The following KIF25 variants were observed in gnomAD, a reference collection of about 807,000 sequenced individuals.
KIF25 encodes kinesin-like protein KIF25.
In KIF25, 19 loss-of-function variants were observed where a neutral mutation model predicts 32.9. The ratio of observed to expected loss-of-function variants is 0.58; its 90% CI spans 0.40 to 0.85. KIF25 has a LOEUF of 0.85. KIF25 is among the 40% of genes least tolerant of loss of function. The pLI, the probability that KIF25 is intolerant of heterozygous loss-of-function variation, is 0.00. For missense variants in KIF25, 485 were observed against 507.0 expected (o/e 0.96, Z 0.42); for synonymous variants, 225 against 213.7 (o/e 1.05, Z -0.46).
chr6:168,034,096 G>T, intron 8 of KIF25, 65 bp downstream of exon 8: 3 of 1,563,580 alleles, frequency 1.9e-6, no homozygotes, highest in Non-Finnish European at 2.6e-6. Context: ...TCAGCACCTT[G>T]GTTATCACGT....
rs1027578592 is a variant in KIF25, at chr6:167,998,070, C to T, written c.-1399C>T. On this transcript the variant is annotated 5_prime_UTR_variant, in exon 1 of 13. Transcript: ENST00000643607. ...TTGGTGTATTTTCTTATTTAATCTT[C>T]ACAATAGCACCACCTCTCTGGGTTG... 6.6e-6 allele frequency: 1 copy of T among 152,084 alleles called. No individual in the cohort carries two copies. The highest frequency in any genetic ancestry group is 1.5e-5 in the Non-Finnish European group (1 of 68,028). The allele number at this position is 152,084 out of a possible 1,614,324, so 9.4% of individuals were successfully genotyped here. A position where few individuals can be genotyped will look rare whatever the true frequency, so the allele number is the denominator to read the frequency against.
intron 12 of KIF25, among the ~76,000 whole-genome samples, chr6:168,043,396 G>A (rs1360305558): frequency 6.6e-6 from 1 of 152,194 alleles, no homozygotes; most frequent in Admixed American, 6.5e-5. Context: ...GGGGCACATG[G>A]CCACCACAGT....
chr6:168,022,886 G>A lies in KIF25; in HGVS notation c.-95+4846G>A, dbSNP rs542771645. Among the ~76,000 whole-genome samples the A allele has an allele frequency of 6.2e-4, 94 of 151,720 alleles. 3 individuals are homozygous for A. The South Asian group carries it at 0.019, about 31-fold the overall frequency. ...AGTTCTGAATCAGTTTTCAGGTAACGTTTGTGGTTTGTGATTTCTCTGCCC... is the reference window on the plus strand; with the variant it reads ...AGTTCTGAATCAGTTTTCAGGTAACATTTGTGGTTTGTGATTTCTCTGCCC... On this transcript the variant is annotated intron_variant, in intron 5 of 12. Coordinates refer to ENST00000643607, the MANE Select transcript of KIF25 (RefSeq NM_030615.4).
At chr6:168,010,960 A>AT (rs1407688498) in intron 4 of KIF25, among the ~76,000 whole-genome samples, 1 of 148,534 alleles carries the variant, frequency 6.7e-6, no homozygotes, top group African/African-American at 2.5e-5. Context: ...TGCTTGGAAT[A>AT]TTTTTTTCCA....
intron 5 of KIF25, among the ~76,000 whole-genome samples, chr6:168,018,544 G>C (rs1181857231): frequency 2.6e-5 from 4 of 152,178 alleles, no homozygotes; most frequent in Non-Finnish European, 5.9e-5. Flanking sequence ...TAAGTAAATA[G>C]ACATTTTTTA....
chr6:168,030,088 C>T (rs1798919870), intron 6 of KIF25, among the ~76,000 whole-genome samples: 1 of 152,234 alleles, frequency 6.6e-6, no homozygotes, highest in South Asian at 2.1e-4. Context: ...AGCCTGTTCT[C>T]TCACCGTGCT....
chr6:168,005,077 C>A (rs1362247464), intron 4 of KIF25, among the ~76,000 whole-genome samples: 5 of 152,150 alleles, frequency 3.3e-5, no homozygotes, highest in African/African-American at 4.8e-5. Flanking sequence ...TGGTTTGGAG[C>A]CTGGTGTGCA....
chr6:168,004,281 G>A (rs1240216284), intron 4 of KIF25, among the ~76,000 whole-genome samples: 1 of 152,148 alleles, frequency 6.6e-6, no homozygotes, highest in Non-Finnish European at 1.5e-5. Flanking sequence ...ACAGAACGGG[G>A]GCTGTCCCAG....
intron 4 of KIF25, among the ~76,000 whole-genome samples, chr6:168,014,874 CTT>C (rs1235630021): frequency 2.0e-5 from 3 of 152,208 alleles, no homozygotes; most frequent in Non-Finnish European, 2.9e-5. Context: ...GTTGGACTGT[CTT>C]TGTTCGTCCC....
chr6:168,041,890 C>T (rs548016811), intron 10 of KIF25, 79 bp from the exon 11 acceptor site: 124 of 1,415,410 alleles, frequency 8.8e-5, no homozygotes, highest in East Asian at 3.8e-4. Context: ...AGAAGCTTCT[C>T]GGCTCTGACT....
chr6:168,010,165 T>G (rs2114872935), intron 4 of KIF25, among the ~76,000 whole-genome samples: 2 of 152,212 alleles, frequency 1.3e-5, no homozygotes, highest in Middle Eastern at 3.4e-3. Flanking sequence ...TATATGAATC[T>G]TTCCAGTTTT....
chr6:168,044,747 C>T (rs1315004999), intron 12 of KIF25, 80 bp from the exon 13 acceptor site: 25 of 1,413,230 alleles, frequency 1.8e-5, no homozygotes, highest in Admixed American at 6.6e-5. Flanking sequence ...CCGCCCATCT[C>T]GGGCCCTGGT....
chr6:168,029,760 T>A (rs1287587325), intron 6 of KIF25, 83 bp downstream of exon 6: 1 of 1,486,728 alleles, frequency 6.7e-7, no homozygotes, highest in Non-Finnish European at 9.1e-7. Flanking sequence ...CTATTCTTTC[T>A]ACTTTTGTAT....
chr6:168,013,303 G>A (rs78110160), intron 4 of KIF25, among the ~76,000 whole-genome samples: 1 of 151,864 alleles, frequency 6.6e-6, no homozygotes, highest in African/African-American at 2.4e-5. Flanking sequence ...AGCTGGTAGG[G>A]CAGTGATGGG....
At chr6:168,004,923 G>A (rs1354406772) in intron 4 of KIF25, among the ~76,000 whole-genome samples, 3 of 152,230 alleles carry the variant, frequency 2.0e-5, no homozygotes, top group Non-Finnish European at 4.4e-5. Flanking sequence ...CTTGGGGACA[G>A]TCATTTTAAA....
At chr6:168,026,498 C>T (rs1490929903) in intron 5 of KIF25, among the ~76,000 whole-genome samples, 2 of 152,058 alleles carry the variant, frequency 1.3e-5, no homozygotes, top group Non-Finnish European at 2.9e-5. Context: ...GCATATGGTT[C>T]TTATGAAATC....
intron 5 of KIF25, among the ~76,000 whole-genome samples, chr6:168,018,963 G>A (rs1171587098): frequency 6.6e-6 from 1 of 152,268 alleles, no homozygotes; most frequent in Non-Finnish European, 1.5e-5. Flanking sequence ...GAGCCCGGGA[G>A]AAAGTCTGCA....
chr6:168,032,000 A>G (rs1298991089), intron 7 of KIF25, among the ~76,000 whole-genome samples: 1 of 152,238 alleles, frequency 6.6e-6, no homozygotes, highest in Non-Finnish European at 1.5e-5. Flanking sequence ...TTTTAAAAAT[A>G]CATTGGCTCT....
intron 4 of KIF25, among the ~76,000 whole-genome samples, chr6:168,012,473 A>G (rs1364756579): frequency 6.6e-6 from 1 of 152,206 alleles, no homozygotes; most frequent in African/African-American, 2.4e-5. Context: ...CTGTGGTAAC[A>G]GTGATGCGGC....
Sources: allele counts gnomAD v4.1 joint callset (sites outside exome capture counted in the v4.1 genomes callset), GRCh38; gene constraint gnomAD v4.1.1; transcripts MANE v1.5; gene names NCBI Gene and HGNC (gene_info 2026-07-23, HGNC 2026-07-21).